Variants in ITPR2 observed in about 807,000 individuals in gnomAD.
ITPR2 encodes inositol 1,4,5-trisphosphate-gated calcium channel ITPR2.
Under a neutral mutation model 317.1 loss-of-function variants are expected in ITPR2, and 207 were observed. The ratio of observed to expected loss-of-function variants is 0.65; its 90% confidence interval spans 0.58 to 0.73. ITPR2 has a LOEUF of 0.73. ITPR2 is among the 30% of genes least tolerant of loss of function. ITPR2 has a pLI of 0.00. For missense variants in ITPR2, 2,613 were observed against 3,284.0 expected, an observed-to-expected ratio of 0.80 and a Z score of 4.99; for synonymous variants, 1,156 against 1,149.1, an observed-to-expected ratio of 1.01 and a Z score of -0.12.
chr12:26,700,886 G>A (rs1012094261), intron 9 of ITPR2, among the ~76,000 whole-genome samples: 1 of 152,166 alleles, frequency 6.6e-6, no homozygotes, highest in Non-Finnish European at 1.5e-5. Flanking sequence ...AACTGAGAGA[G>A]AAAACCGTTT....
At chr12:26,510,998 T>C (rs934768275) in intron 37 of ITPR2, among the ~76,000 whole-genome samples, 6 of 152,238 alleles carry the variant, frequency 3.9e-5, no homozygotes, top group Non-Finnish European at 7.3e-5. Context: ...AGTATATCTC[T>C]GCTCTAATAA....
At chr12:26,709,008 G>C (rs1281913438) in intron 9 of ITPR2, among the ~76,000 whole-genome samples, 1 of 152,210 alleles carries the variant, frequency 6.6e-6, no homozygotes, top group Non-Finnish European at 1.5e-5. Flanking sequence ...CTAGTTACCA[G>C]CTGTTCCTGG....
At chr12:26,829,280 T>C (rs895765000) in intron 1 of ITPR2, among the ~76,000 whole-genome samples, 1 of 152,334 alleles carries the variant, frequency 6.6e-6, no homozygotes, top group East Asian at 1.9e-4. Flanking sequence ...AGAAAACTGC[T>C]ATATTTTTAT....
chr12:26,434,562 G>A (rs1454964160), intron 48 of ITPR2, among the ~76,000 whole-genome samples: 1 of 152,080 alleles, frequency 6.6e-6, no homozygotes, highest in African/African-American at 2.4e-5. Context: ...GGGATATCAT[G>A]GAATGGAACT....
At chr12:26,827,572 C>T (rs1218478534) in intron 1 of ITPR2, among the ~76,000 whole-genome samples, 3 of 152,140 alleles carry the variant, frequency 2.0e-5, no homozygotes, top group Admixed American at 6.5e-5. Context: ...AAATTCATTA[C>T]CTTATGGCAG....
chr12:26,354,182 G>C (rs1411701966), intron 55 of ITPR2, among the ~76,000 whole-genome samples: 1 of 152,126 alleles, frequency 6.6e-6, no homozygotes, highest in Admixed American at 6.5e-5. Flanking sequence ...ACTGAGGCAG[G>C]AGAATCTCTT....
chr12:26,720,041 C>T (rs950835895), intron 5 of ITPR2, among the ~76,000 whole-genome samples: 1 of 152,076 alleles, frequency 6.6e-6, no homozygotes. Flanking sequence ...ATAGCTGTCC[C>T]TAGTGACTTT....
At chr12:26,733,191 G>C (rs1476727909) in intron 2 of ITPR2, among the ~76,000 whole-genome samples, 2 of 151,844 alleles carry the variant, frequency 1.3e-5, no homozygotes, top group African/African-American at 2.4e-5. Context: ...GCGTGTGCCT[G>C]TAATCCCAGC....
At chr12:26,423,666 G>A (rs1479224705) in intron 49 of ITPR2, among the ~76,000 whole-genome samples, 1 of 152,104 alleles carries the variant, frequency 6.6e-6, no homozygotes, top group Non-Finnish European at 1.5e-5. Flanking sequence ...TGGTATGAAA[G>A]AATATTAAGT....
intron 52 of ITPR2, among the ~76,000 whole-genome samples, chr12:26,402,034 A>G (rs1219699267): frequency 6.6e-6 from 1 of 152,146 alleles, no homozygotes; most frequent in African/African-American, 2.4e-5. Context: ...CCTTTGGAGG[A>G]AGGAGAAATA....
chr12:26,647,022 G>A (rs950467602), intron 21 of ITPR2, among the ~76,000 whole-genome samples: 1 of 152,168 alleles, frequency 6.6e-6, no homozygotes, highest in African/African-American at 2.4e-5. Context: ...TCAAATTATG[G>A]TGAGTTCAAG....
At chr12:26,732,811 C>A (rs972879621) in intron 2 of ITPR2, among the ~76,000 whole-genome samples, 1 of 152,160 alleles carries the variant, frequency 6.6e-6, no homozygotes, top group African/African-American at 2.4e-5. Context: ...TAGAACAAAT[C>A]TAATCTGGCT....
chr12:26,428,188 A>C (rs1348844769), intron 48 of ITPR2, 100 bp from the exon 49 acceptor site: 6 of 817,304 alleles, frequency 7.3e-6, no homozygotes, highest in Non-Finnish European at 1.1e-5. Flanking sequence ...AGTCAAAGCC[A>C]TAATCCAGTA....
intron 21 of ITPR2, among the ~76,000 whole-genome samples, chr12:26,640,969 C>T (rs1946970978): frequency 6.6e-6 from 1 of 152,094 alleles, no homozygotes; most frequent in Non-Finnish European, 1.5e-5. Flanking sequence ...GACCCTTGGG[C>T]ACCAATTTAA....
chr12:26,711,231 T>C lies in ITPR2; in HGVS notation c.893A>G (p.Gln298Arg), dbSNP rs757345629. The C allele has an allele frequency of 1.2e-6, 2 of 1,613,970 alleles. No individual in the cohort carries two copies. Among genetic ancestry groups the C allele is most frequent in the South Asian group, 1.1e-5 (1 of 91,086 alleles). ...HHDPCRGGAG[Q>R]WNSLFRFKHL... ...CTTAAATCTGAACAAGCTGTTCCACTGTCCTGCACCCCCACGGCATGGGTC... is the reference window on the plus strand; with the variant it reads ...CTTAAATCTGAACAAGCTGTTCCACCGTCCTGCACCCCCACGGCATGGGTC... The change falls in exon 9 of 57, where the codon CAG becomes CGG. Residue 298 changes from glutamine to arginine, a missense_variant. Coordinates refer to ENST00000381340, the MANE Select transcript of ITPR2 (RefSeq NM_002223.4).
chr12:26,424,594 T>TTTG (rs1555123890), intron 49 of ITPR2, among the ~76,000 whole-genome samples: 4 of 136,398 alleles, frequency 2.9e-5, no homozygotes, highest in East Asian at 2.1e-4. Flanking sequence ...GTGTTTTTTT[T>TTTG]TTTTTTTTTT....
intron 52 of ITPR2, among the ~76,000 whole-genome samples, chr12:26,405,785 C>A (rs940197170): frequency 1.3e-5 from 2 of 152,176 alleles, no homozygotes; most frequent in African/African-American, 4.8e-5. Flanking sequence ...TGGTGAAACA[C>A]CTTCTCTACT....
intron 32 of ITPR2, among the ~76,000 whole-genome samples, chr12:26,594,317 C>A (rs1404746325): frequency 6.6e-6 from 1 of 151,926 alleles, no homozygotes; most frequent in Admixed American, 6.6e-5. Flanking sequence ...AGTCCGTGGT[C>A]TGGAATAACG....
At chr12:26,633,779 C>G (rs1412716491) in intron 21 of ITPR2, among the ~76,000 whole-genome samples, 1 of 152,196 alleles carries the variant, frequency 6.6e-6, no homozygotes, top group Non-Finnish European at 1.5e-5. Flanking sequence ...AGACTTGATT[C>G]AAGTATGTAT....
Sources: allele counts gnomAD v4.1 joint callset (sites outside exome capture counted in the v4.1 genomes callset), GRCh38; gene constraint gnomAD v4.1.1; transcripts MANE v1.5; gene names NCBI Gene and HGNC (gene_info 2026-07-23, HGNC 2026-07-21).